CYP20A1: variants seen among roughly 807,000 people sequenced by gnomAD.
CYP20A1 encodes cytochrome P450 family 20 subfamily A member 1.
A neutral mutation model predicts 61.4 loss-of-function variants in CYP20A1; 61 were observed. The observed-to-expected ratio is 0.99, with a 90% confidence interval of 0.81 to 1.23. CYP20A1 has a LOEUF of 1.23. Among genes scored for constraint, CYP20A1 ranks in the 50% most tolerant of loss-of-function variants. CYP20A1 has a pLI of 0.00. For synonymous variants in CYP20A1, 193 were observed against 188.2 expected (o/e 1.03, Z -0.21); for missense variants, 530 against 542.4 (o/e 0.98, Z 0.23).
chr2:203,298,398 CAAAA>C lies in CYP20A1; in HGVS notation c.*1493_*1496del, dbSNP rs1216208881. On this transcript the variant is annotated 3_prime_UTR_variant, in exon 13 of 13. Transcript: ENST00000356079. ...GAGCAAAACCCTGCCTTTAAAAAAA[CAAAA>C]AACAAAAAAGGCCGGGCTCGGTGGC... 4.7e-5 allele frequency: 8 copies of C among 171,420 alleles called. No homozygotes were observed. In the East Asian group the frequency reaches 8.5e-4, roughly 18 times the overall value. The allele number at this position is 171,420 out of a possible 1,614,324, so 10.6% of individuals were successfully genotyped here. A position where few individuals can be genotyped will look rare whatever the true frequency, so the allele number is the denominator to read the frequency against.
At chr2:203,286,211 C>T (rs2068261913) in intron 9 of CYP20A1, among the ~76,000 whole-genome samples, 3 of 152,108 alleles carry the variant, frequency 2.0e-5, no homozygotes, top group Admixed American at 1.3e-4. Context: ...ATCACCTCAG[C>T]TCAGGAGGTC....
chr2:203,245,370 A>G (rs1162640931), intron 1 of CYP20A1, among the ~76,000 whole-genome samples: 2 of 146,448 alleles, frequency 1.4e-5, no homozygotes, highest in African/African-American at 5.2e-5. Flanking sequence ...TTTTCATTTT[A>G]AGTTCAGGGG....
intron 9 of CYP20A1, among the ~76,000 whole-genome samples, chr2:203,286,631 A>G (rs1214020069): frequency 6.6e-6 from 1 of 152,174 alleles, no homozygotes; most frequent in Non-Finnish European, 1.5e-5. Context: ...GTGAAATTCT[A>G]GAAAAGGCAA....
At chr2:203,241,107 G>A (rs976549463) in intron 1 of CYP20A1, among the ~76,000 whole-genome samples, 11 of 152,192 alleles carry the variant, frequency 7.2e-5, no homozygotes, top group Non-Finnish European at 1.6e-4. Flanking sequence ...GATGTGAAAT[G>A]TGAAAGAGAG....
At chr2:203,291,153 C>G (rs552089379) in intron 10 of CYP20A1, among the ~76,000 whole-genome samples, 48 of 152,072 alleles carry the variant, frequency 3.2e-4, no homozygotes, top group African/African-American at 1.1e-3. Context: ...GCCTCGACCT[C>G]CCAGGCTTAA....
intron 11 of CYP20A1, among the ~76,000 whole-genome samples, chr2:203,292,932 T>G (rs1166210875): frequency 3.3e-5 from 5 of 152,006 alleles, no homozygotes; most frequent in African/African-American, 4.8e-5. Context: ...TCCCAGCACT[T>G]TGGGAGGCTG....
At chr2:203,293,343 G>A (rs1041490737) in intron 11 of CYP20A1, among the ~76,000 whole-genome samples, 15 of 148,212 alleles carry the variant, frequency 1.0e-4, no homozygotes, top group African/African-American at 3.7e-4. Flanking sequence ...AGCCGCCTCA[G>A]TAGCTGGGAC....
At chr2:203,271,644 C>G (rs1212477400) in intron 5 of CYP20A1, among the ~76,000 whole-genome samples, 1 of 152,098 alleles carries the variant, frequency 6.6e-6, no homozygotes, top group Non-Finnish European at 1.5e-5. Context: ...AGACTTTTAA[C>G]CTTTTTCTTT....
chr2:203,244,796 G>C lies in CYP20A1; in HGVS notation c.73-1050G>C, dbSNP rs1393998708. ...CGCCCAGGCTGGAGTACAGTGGCGC[G>C]ATCTAGGCTCACTGCAAGCTCCGCC... On this transcript the variant is annotated intron_variant, in intron 1 of 12. Transcript: ENST00000356079. Among the ~76,000 whole-genome samples, 25 of 146,922 alleles carry C rather than the reference G, an allele frequency of 1.7e-4. 1 individual carries two copies. The East Asian group carries it at 4.8e-3, about 28-fold the overall frequency.
chr2:203,301,195 CA>C lies in CYP20A1; in HGVS notation c.*4302del, dbSNP rs71034235. Among the ~76,000 whole-genome samples, 74 of 123,076 alleles carry C rather than the reference CA, an allele frequency of 6.0e-4. No individual in the cohort carries two copies. The highest frequency in any genetic ancestry group is 1.9e-3 in the Admixed American group (22 of 11,820). 80.7% of individuals were successfully genotyped at this position (123,076 alleles called of 152,430 possible). A position where few individuals can be genotyped will look rare whatever the true frequency, so the allele number is the denominator to read the frequency against. ...TGGGCAAGAAGAGTGAAACTCTATC[CA>C]AAAAAAAAAAAAAACCATACGTACA... On this transcript the variant is annotated 3_prime_UTR_variant, in exon 13 of 13. Coordinates refer to ENST00000356079, the MANE Select transcript of CYP20A1 (RefSeq NM_177538.3).
rs2069121040 is a variant in CYP20A1 at position 203,303,912 on chromosome 2, A to G, written c.*7004A>G. On this transcript the variant is annotated 3_prime_UTR_variant, in exon 13 of 13. Coordinates refer to ENST00000356079, the MANE Select transcript of CYP20A1 (RefSeq NM_177538.3). ...AAAAAAAACTTATTGAGAGAATAAT[A>G]TACCACTAATATTTAAAGAAATTTT... is the stretch of plus-strand genomic sequence containing the variant. 6.6e-6 allele frequency among the ~76,000 whole-genome samples: 1 copy of G among 150,974 alleles called. No homozygotes were observed. The highest frequency in any genetic ancestry group is 2.4e-5 in the African/African-American group (1 of 41,120).
rs76767556 is a variant in CYP20A1, at chr2:203,298,533, C to CAAA, written c.*1641_*1643dup. On this transcript the variant is annotated 3_prime_UTR_variant, in exon 13 of 13. Transcript: ENST00000356079. ...TGAAACCCCGTCTCTACTAAAAATACAAAAAAAAAAAAAAAAAATTAGCCA... is the reference window on the plus strand; with the variant it reads ...TGAAACCCCGTCTCTACTAAAAATACAAAAAAAAAAAAAAAAAAAAATTAGCCA... Among the ~76,000 whole-genome samples the CAAA allele has an allele frequency of 8.9e-4, 111 of 124,490 alleles. No individual in the cohort carries two copies. Among genetic ancestry groups the CAAA allele is most frequent in the East Asian group, 4.8e-3 (21 of 4,330 alleles). The allele number at this position is 124,490 out of a possible 152,430, so 81.7% of individuals were successfully genotyped here. A position where few individuals can be genotyped will look rare whatever the true frequency, so the allele number is the denominator to read the frequency against.
In CYP20A1 at chr2:203,300,142, A is replaced by G. The variant is rs1259945786; in HGVS notation, c.*3234A>G. On this transcript the variant is annotated 3_prime_UTR_variant, in exon 13 of 13. Transcript: ENST00000356079. Reference sequence around the variant, plus strand: ...TAGGGCAGTTGAACCAGAGTCAGCCAGTTGGCATAACTGCCAATAAATGAG... The same window carrying G: ...TAGGGCAGTTGAACCAGAGTCAGCCGGTTGGCATAACTGCCAATAAATGAG... Among the ~76,000 whole-genome samples, 1 of 152,222 alleles carries G rather than the reference A, an allele frequency of 6.6e-6. No individual in the cohort carries two copies. The highest frequency in any genetic ancestry group is 2.4e-5 in the African/African-American group (1 of 41,466).
At chr2:203,247,486 C>A (rs1448309827) in intron 3 of CYP20A1, among the ~76,000 whole-genome samples, 1 of 151,620 alleles carries the variant, frequency 6.6e-6, no homozygotes, top group African/African-American at 2.4e-5. Context: ...TTTTTTGGGA[C>A]CCTGAAAAAA....
intron 4 of CYP20A1, chr2:203,259,765 C>G (rs1176997569): frequency 6.6e-6 from 1 of 151,264 alleles, no homozygotes; most frequent in East Asian, 2.0e-4. Flanking sequence ...TGCCTGTAGT[C>G]CCAGCTACTT....
In CYP20A1 at chr2:203,246,918, A is replaced by G. The variant is rs1312309960; in HGVS notation, c.286A>G (p.Thr96Ala). ...VLKQHINPNK[T>A]SDPFETMLKS... ...GAAGCAGCATATCAATCCCAATAAG[A>G]CATGTAAGTTTAATTTTCTTTCTAA... Residue 96 changes from threonine to alanine, a missense_variant, in exon 3 of 13, where the codon ACA becomes GCA. By Grantham distance (58) the Thr-to-Ala change is moderately conservative. Transcript: ENST00000356079. 6.2e-7 allele frequency: 1 copy of G among 1,609,612 alleles called. No individual in the cohort carries two copies.
Position 203,239,113 on chromosome 2 carries a change from A to T in CYP20A1, c.51A>T (p.Gly17=). ...TTACCTTCTTGCTGGCGTTGGTGGGAGCCGTGCTCTACCTCTATCCGGTGA... is the reference window on the plus strand; with the variant it reads ...TTACCTTCTTGCTGGCGTTGGTGGGTGCCGTGCTCTACCTCTATCCGGTGA... ...FAVTFLLALV[G]AVLYLYPASR... is the part of the protein sequence containing the mutation. Residue 17 remains glycine, a synonymous_variant, in exon 1 of 13, where the codon GGA becomes GGT. Coordinates refer to ENST00000356079, the MANE Select transcript of CYP20A1 (RefSeq NM_177538.3). 6.2e-7 allele frequency: 1 copy of T among 1,612,932 alleles called. No homozygotes were observed. The highest frequency in any genetic ancestry group is 8.5e-7 in the Non-Finnish European group (1 of 1,179,660).
At chr2:203,275,292 C>T (rs2067768599) in intron 6 of CYP20A1, among the ~76,000 whole-genome samples, 1 of 152,182 alleles carries the variant, frequency 6.6e-6, no homozygotes, top group South Asian at 2.1e-4. Flanking sequence ...CTGACTCCTA[C>T]CTGTAAACAT....
chr2:203,287,922 G>A (rs981518792), intron 9 of CYP20A1, among the ~76,000 whole-genome samples: 2 of 149,700 alleles, frequency 1.3e-5, no homozygotes, highest in Non-Finnish European at 3.0e-5. Context: ...CTCTTCTTTA[G>A]TTAAGTCCGG....
Sources: allele counts gnomAD v4.1 joint callset (sites outside exome capture counted in the v4.1 genomes callset), GRCh38; gene constraint gnomAD v4.1.1; transcripts MANE v1.5; gene names NCBI Gene and HGNC (gene_info 2026-07-23, HGNC 2026-07-21).